The following SMG6 variants were observed in gnomAD, a reference collection of about 807,000 sequenced individuals.
SMG6 encodes telomerase-binding protein EST1A.
SMG6 carries 66 observed loss-of-function variants against 142.2 expected under a neutral mutation model. That is an observed-to-expected ratio of 0.46 (90% CI 0.38 to 0.57). SMG6 has a LOEUF of 0.57. Among genes scored for constraint, SMG6 ranks in the 20% least tolerant of loss-of-function variants. The pLI is 0.00. For synonymous variants in SMG6, 779 were observed against 702.4 expected (o/e 1.11, Z -1.72); for missense variants, 1,793 against 1,832.0 (o/e 0.98, Z 0.39).
chr17:2,289,685 T>C (rs1170296548), intron 6 of SMG6, among the ~76,000 whole-genome samples: 1 of 151,778 alleles, frequency 6.6e-6, no homozygotes, highest in Non-Finnish European at 1.5e-5. Flanking sequence ...CTGAGGTAGG[T>C]GGATCACTTG....
At chr17:2,143,174 C>T (rs2151579078) in intron 13 of SMG6, among the ~76,000 whole-genome samples, 1 of 152,262 alleles carries the variant, frequency 6.6e-6, no homozygotes, top group South Asian at 2.1e-4. Context: ...GTGGAAGTTC[C>T]TCCAAGAGTT....
chr17:2,123,136 G>A (rs574046545), intron 13 of SMG6, among the ~76,000 whole-genome samples: 15 of 152,334 alleles, frequency 9.8e-5, no homozygotes, highest in Middle Eastern at 3.4e-3. Flanking sequence ...ACCCTGGCGT[G>A]TTGGCGGCTG....
intron 13 of SMG6, among the ~76,000 whole-genome samples, chr17:2,111,268 T>A (rs1475841309): frequency 1.3e-5 from 2 of 151,870 alleles, no homozygotes; most frequent in Non-Finnish European, 2.9e-5. Flanking sequence ...TGAAAAAAAG[T>A]TGGGTAAGGG....
intron 10 of SMG6, among the ~76,000 whole-genome samples, chr17:2,191,901 C>G (rs999919261): frequency 6.6e-6 from 1 of 152,210 alleles, no homozygotes; most frequent in Admixed American, 6.5e-5. Context: ...TTATGTATTT[C>G]TAATTAGTGC....
Position 2,085,750 on chromosome 17 carries a change from T to C in SMG6, c.3509A>G (p.Gln1170Arg). ...PDTMGKEMGS[Q>R]EGTRLEDEEE... ...CTCATCTTCCAGTCGTGTTCCCTCT[T>C]GGCTTCCCATTTCCTTTCCCATGGT... is the stretch of plus-strand genomic sequence containing the variant. Residue 1170 changes from glutamine (Q) to arginine (R), a missense_variant, in exon 14 of 19, where the codon CAA (glutamine) becomes CGA (arginine). By Grantham distance (43) the Gln-to-Arg change is conservative. Coordinates refer to ENST00000263073, the MANE Select transcript of SMG6 (RefSeq NM_017575.5). The surrounding 1 kb of genome is among the most constrained non-coding windows in gnomAD (Gnocchi z 4.1). 6.2e-7 allele frequency: 1 copy of C among 1,614,074 alleles called. No homozygotes were observed. Among genetic ancestry groups the C allele is most frequent in the Non-Finnish European group, 8.5e-7 (1 of 1,179,990 alleles).
intron 15 of SMG6, among the ~76,000 whole-genome samples, chr17:2,081,104 G>C (rs2068410411): frequency 6.6e-6 from 1 of 152,308 alleles, no homozygotes; most frequent in South Asian, 2.1e-4. Context: ...CCTTAAAGAA[G>C]CGGAGTGGGT....
At chr17:2,092,913 A>T (rs2068762307) in intron 13 of SMG6, among the ~76,000 whole-genome samples, 1 of 152,190 alleles carries the variant, frequency 6.6e-6, no homozygotes, top group Non-Finnish European at 1.5e-5. Flanking sequence ...AAGATAATAC[A>T]GGCCGGGTGC....
intron 9 of SMG6, among the ~76,000 whole-genome samples, chr17:2,241,539 TA>T (rs954549557): frequency 2.0e-5 from 3 of 152,340 alleles, no homozygotes; most frequent in South Asian, 2.1e-4. Flanking sequence ...TTCTGGCTTT[TA>T]AAAAAATTAT....
chr17:2,090,290 C>T (rs971214421), intron 13 of SMG6, among the ~76,000 whole-genome samples: 9 of 151,306 alleles, frequency 5.9e-5, no homozygotes, highest in Non-Finnish European at 1.5e-5. Flanking sequence ...GTAGAGATGC[C>T]CGGCGGGGGA....
rs760292170 is a variant in SMG6 at position 2,068,326 on chromosome 17, G to A, written c.3835+452C>T. 1.3e-5 allele frequency among the ~76,000 whole-genome samples: 2 copies of A among 152,112 alleles called. No homozygotes were observed. Among genetic ancestry groups the A allele is most frequent in the African/African-American group, 2.4e-5 (1 of 41,410 alleles). ...ACACTGGCCAGAAGAATGCTACCTC[G>A]AACCAACAGAGTGATCATGAAAAGC... On this transcript the variant is annotated intron_variant, in intron 16 of 18. Transcript: ENST00000263073. The surrounding 1 kb of genome is among the most constrained non-coding windows in gnomAD (Gnocchi z 6.7).
intron 9 of SMG6, among the ~76,000 whole-genome samples, chr17:2,242,689 T>TAAAAAAAAAAAAAAAAAAAAAA (rs57079220): frequency 3.6e-5 from 2 of 55,850 alleles, no homozygotes; most frequent in African/African-American, 7.6e-5. Context: ...TCCATCTCTT[T>TAAAAAAAAAAAAAAAAAAAAAA]AAAAAAAAAA....
At chr17:2,165,645 T>A (rs1387592029) in intron 13 of SMG6, among the ~76,000 whole-genome samples, 1 of 152,236 alleles carries the variant, frequency 6.6e-6, no homozygotes, top group African/African-American at 2.4e-5. Context: ...TCACCTATTA[T>A]CTGTGGGTCA....
intron 13 of SMG6, among the ~76,000 whole-genome samples, chr17:2,137,859 G>C (rs2070354717): frequency 6.6e-6 from 1 of 152,202 alleles, no homozygotes; most frequent in African/African-American, 2.4e-5. Flanking sequence ...CTCCAAGTCA[G>C]ATCTTCCTTG....
intron 13 of SMG6, among the ~76,000 whole-genome samples, chr17:2,112,463 G>C (rs570567954): frequency 4.0e-5 from 6 of 151,034 alleles, no homozygotes; most frequent in African/African-American, 1.5e-4. Flanking sequence ...AGCCGAGATC[G>C]TGCCACTGCA....
At chr17:2,084,123 G>C (rs1225593747) in intron 14 of SMG6, among the ~76,000 whole-genome samples, 1 of 152,248 alleles carries the variant, frequency 6.6e-6, no homozygotes, top group Admixed American at 6.5e-5. Context: ...TGCCTCACTG[G>C]ATTTGGGACT....
chr17:2,293,966 C>A (rs2075094521), intron 4 of SMG6, among the ~76,000 whole-genome samples: 1 of 152,194 alleles, frequency 6.6e-6, no homozygotes, highest in African/African-American at 2.4e-5. Flanking sequence ...ACAGAGTAAA[C>A]CAATCCCAAG....
chr17:2,238,574 G>A (rs1346654446), intron 9 of SMG6, among the ~76,000 whole-genome samples: 1 of 152,222 alleles, frequency 6.6e-6, no homozygotes, highest in Non-Finnish European at 1.5e-5. Context: ...CGTTCACTCT[G>A]CTTGAAAAGC....
chr17:2,187,466 T>C (rs2072025612), intron 11 of SMG6, among the ~76,000 whole-genome samples: 1 of 152,294 alleles, frequency 6.6e-6, no homozygotes, highest in South Asian at 2.1e-4. Context: ...CTTCCGATTT[T>C]GATAACCGTT....
In SMG6 at chr17:2,087,633, G is replaced by C. The variant is rs964637560; in HGVS notation, c.3358-1732C>G. ...CTGGGCTTGCCTCCGTGAAGGAGAA[G>C]GGAAGCTTGTCTTGGCCCAGGGCAG... On this transcript the variant is annotated intron_variant, in intron 13 of 18. Coordinates refer to ENST00000263073, the MANE Select transcript of SMG6 (RefSeq NM_017575.5). 1.9e-5 allele frequency: 19 copies of C among 996,934 alleles called. No homozygotes were observed. The South Asian group carries it at 7.3e-4, about 38-fold the overall frequency. 61.8% of individuals were successfully genotyped at this position (996,934 alleles called of 1,614,324 possible).
Sources: gnomAD v4.1 joint callset for allele counts (sites outside exome capture counted in the v4.1 genomes callset) on GRCh38, gnomAD v4.1.1 for gene constraint, Gnocchi (gnomAD v3.1) non-coding constraint, MANE v1.5 for transcripts, NCBI Gene and HGNC (gene_info 2026-07-23, HGNC 2026-07-21) for gene names.